FAM120B: variants seen among roughly 807,000 people sequenced by gnomAD.
FAM120B encodes constitutive coactivator of peroxisome proliferator-activated receptor gamma.
A neutral mutation model predicts 96.3 loss-of-function variants in FAM120B; 83 were observed. That is an observed-to-expected ratio of 0.86 (90% CI 0.72 to 1.03). FAM120B has a LOEUF of 1.03. Among genes scored for constraint, FAM120B ranks in the 50% least tolerant of loss-of-function variants. FAM120B has a pLI of 0.00. For synonymous variants in FAM120B, 407 were observed against 402.7 expected, an observed-to-expected ratio of 1.01 and a Z score of -0.13; for missense variants, 1,027 against 1,121.2, an observed-to-expected ratio of 0.92 and a Z score of 1.20.
chr6:170,293,506 G>A (rs1476738747), upstream of FAM120B, among the ~76,000 whole-genome samples: 4 of 152,018 alleles, frequency 2.6e-5, no homozygotes, highest in African/African-American at 9.7e-5. Context: ...TCTCGATTAC[G>A]GCGGCAAAGC....
intron 2 of FAM120B, among the ~76,000 whole-genome samples, chr6:170,321,063 G>A (rs1785255164): frequency 6.6e-6 from 1 of 152,182 alleles, no homozygotes; most frequent in Non-Finnish European, 1.5e-5. Flanking sequence ...GGGAAGGCAG[G>A]GTCAAGGAGA....
intron 6 of FAM120B, among the ~76,000 whole-genome samples, chr6:170,379,589 G>T (rs1789785095): frequency 6.6e-6 from 1 of 152,204 alleles, no homozygotes; most frequent in Non-Finnish European, 1.5e-5. Flanking sequence ...GAGTATTTCA[G>T]ATTCTGTATT....
In FAM120B at chr6:170,355,843, C is replaced by T. The variant is rs115216366; in HGVS notation, c.2191-2383C>T. 2.9e-3 allele frequency among the ~76,000 whole-genome samples: 442 copies of T among 152,212 alleles called. 1 individual carries two copies. Among genetic ancestry groups the T allele is most frequent in the African/African-American group, 0.01 (425 of 41,526 alleles). ...ATAATCTACAGGTGTCTGTAGTTAA[C>T]GTTGAGTCATAGTGGGACTTGAGAA... On this transcript the variant is annotated intron_variant, in intron 5 of 10. Transcript: ENST00000476287.
chr6:170,308,262 T>C (rs181873519), intron 1 of FAM120B, among the ~76,000 whole-genome samples: 1 of 152,294 alleles, frequency 6.6e-6, no homozygotes, highest in Non-Finnish European at 1.5e-5. Context: ...TTCTTACCAG[T>C]TGTATTCTTG....
At chr6:170,324,629 A>G (rs1026608887) in intron 3 of FAM120B, among the ~76,000 whole-genome samples, 3 of 152,232 alleles carry the variant, frequency 2.0e-5, no homozygotes, top group Non-Finnish European at 4.4e-5. Context: ...CCTAAATTTC[A>G]TACTTTGTTA....
At chr6:170,322,235 A>G (rs1785338016) in intron 2 of FAM120B, among the ~76,000 whole-genome samples, 1 of 152,272 alleles carries the variant, frequency 6.6e-6, no homozygotes, top group Admixed American at 6.5e-5. Context: ...CAATTTCTCA[A>G]CAAATGAGTG....
chr6:170,385,898 T>G (rs1790160368), intron 6 of FAM120B, among the ~76,000 whole-genome samples: 1 of 152,196 alleles, frequency 6.6e-6, no homozygotes, highest in African/African-American at 2.4e-5. Context: ...TACTGTCTGA[T>G]TCCAGCTATA....
At chr6:170,374,288 T>C (rs939150047) in intron 6 of FAM120B, among the ~76,000 whole-genome samples, 4 of 152,152 alleles carry the variant, frequency 2.6e-5, no homozygotes, top group African/African-American at 9.7e-5. Flanking sequence ...GGTAGAGAAA[T>C]AAAAGAGGTA....
At chr6:170,377,775 G>A (rs1789641636) in intron 6 of FAM120B, among the ~76,000 whole-genome samples, 2 of 135,152 alleles carry the variant, frequency 1.5e-5, no homozygotes, top group Non-Finnish European at 3.1e-5. Context: ...CTGTGCACAC[G>A]CGTCCCTAAT....
chr6:170,296,502 C>T (rs1302689665), intron 1 of FAM120B, among the ~76,000 whole-genome samples: 1 of 151,836 alleles, frequency 6.6e-6, no homozygotes, highest in African/African-American at 2.4e-5. Context: ...CGTGACGGCC[C>T]CACGCAGCCT....
intron 5 of FAM120B, among the ~76,000 whole-genome samples, chr6:170,357,736 T>A (rs1184632259): frequency 6.6e-6 from 1 of 152,226 alleles, no homozygotes; most frequent in Admixed American, 6.5e-5. Flanking sequence ...TCATGATTAT[T>A]CCCAGATGTT....
intron 3 of FAM120B, among the ~76,000 whole-genome samples, chr6:170,329,501 A>G (rs889271568): frequency 6.6e-6 from 1 of 152,000 alleles, no homozygotes; most frequent in East Asian, 1.9e-4. Context: ...CTGCTCGATC[A>G]CAGTCACCCC....
intron 3 of FAM120B, among the ~76,000 whole-genome samples, chr6:170,327,228 A>T (rs1423878644): frequency 1.3e-5 from 2 of 151,992 alleles, no homozygotes; most frequent in Non-Finnish European, 2.9e-5. Flanking sequence ...TTGTATTTTT[A>T]GGAGAGACGG....
At chr6:170,400,870 C>G (rs557529038) in intron 9 of FAM120B, among the ~76,000 whole-genome samples, 23 of 152,242 alleles carry the variant, frequency 1.5e-4, no homozygotes, top group African/African-American at 5.3e-4. Context: ...TCTCCCAGGG[C>G]TCCCCCAGAG....
At chr6:170,361,797 C>T (rs1271850922) in intron 6 of FAM120B, among the ~76,000 whole-genome samples, 1 of 152,042 alleles carries the variant, frequency 6.6e-6, no homozygotes, top group Admixed American at 6.6e-5. Context: ...TAGAATCTTT[C>T]TTTTTTAATT....
At chr6:170,311,097 G>A (rs1050438392) in intron 1 of FAM120B, among the ~76,000 whole-genome samples, 1 of 152,344 alleles carries the variant, frequency 6.6e-6, no homozygotes, top group Non-Finnish European at 1.5e-5. Flanking sequence ...TAGGGAGGGA[G>A]AGTGGATGCT....
chr6:170,364,859 T>C (rs1788672643), intron 6 of FAM120B, among the ~76,000 whole-genome samples: 2 of 152,236 alleles, frequency 1.3e-5, no homozygotes, highest in South Asian at 4.1e-4. Context: ...CTGGAAATGC[T>C]ATGAGCTTGT....
At chr6:170,296,965 G>A (rs1784027614) in intron 1 of FAM120B, among the ~76,000 whole-genome samples, 1 of 152,244 alleles carries the variant, frequency 6.6e-6, no homozygotes, top group Non-Finnish European at 1.5e-5. Context: ...ACCACAGGGA[G>A]GTCGCGGCAC....
chr6:170,292,771 C>T (rs1783916134), upstream of FAM120B, among the ~76,000 whole-genome samples: 1 of 152,216 alleles, frequency 6.6e-6, no homozygotes, highest in South Asian at 2.1e-4. The surrounding 1 kb of genome is among the most constrained non-coding windows in gnomAD (Gnocchi z 6.6). Context: ...CAGCCTGTGT[C>T]CTGCTACCTT....
Sources: gnomAD v4.1 joint callset for allele counts (sites outside exome capture counted in the v4.1 genomes callset) on GRCh38, gnomAD v4.1.1 for gene constraint, Gnocchi (gnomAD v3.1) non-coding constraint, MANE v1.5 for transcripts, NCBI Gene and HGNC (gene_info 2026-07-23, HGNC 2026-07-21) for gene names.